Variants in DCP1B observed in about 807,000 individuals in gnomAD.
The protein encoded by DCP1B is mRNA-decapping enzyme 1B.
A neutral mutation model predicts 60.5 loss-of-function variants in DCP1B; 47 were observed. The ratio of observed to expected loss-of-function variants is 0.78; its 90% confidence interval spans 0.61 to 0.99. The LOEUF (loss-of-function observed/expected upper bound fraction) is 0.99, where lower values mean the gene tolerates loss of function less well. Ranked by LOEUF, DCP1B falls within the 50% of genes least tolerant of loss-of-function variation. DCP1B has a pLI of 0.00. For missense variants in DCP1B, 725 were observed against 756.8 expected, an observed-to-expected ratio of 0.96 and a Z score of 0.49; for synonymous variants, 267 against 280.3, an observed-to-expected ratio of 0.95 and a Z score of 0.47.
chr12:1,947,792 G>A (rs2154456298), intron 8 of DCP1B, among the ~76,000 whole-genome samples: 1 of 152,246 alleles, frequency 6.6e-6, no homozygotes, highest in African/African-American at 2.4e-5. Context: ...TTGTTATTAT[G>A]CTTCTGCTGA....
chr12:1,953,987 A>T (rs1401939750), intron 6 of DCP1B, among the ~76,000 whole-genome samples: 1 of 152,230 alleles, frequency 6.6e-6, no homozygotes, highest in Non-Finnish European at 1.5e-5. Context: ...GTTCAAGACC[A>T]GCCTGGGCAA....
intron 2 of DCP1B, 146 bp downstream of exon 2, chr12:1,997,789 C>T (rs1281369432): frequency 3.0e-5 from 20 of 674,890 alleles, no homozygotes; most frequent in East Asian, 1.1e-4. Context: ...TTCCCTTCTT[C>T]GTGTCAACTA....
intron 5 of DCP1B, among the ~76,000 whole-genome samples, chr12:1,957,188 A>C (rs1455485293): frequency 6.6e-6 from 1 of 152,240 alleles, no homozygotes; most frequent in Admixed American, 6.5e-5. Flanking sequence ...CCTGGGGGGA[A>C]AAACAGTTTT....
chr12:1,993,437 T>C (rs1042178025), intron 2 of DCP1B, 46 bp from the exon 3 acceptor site: 1 of 1,589,626 alleles, frequency 6.3e-7, no homozygotes, highest in Non-Finnish European at 8.6e-7. Context: ...ACAAATTGCT[T>C]AGTATGCTAT....
chr12:1,987,252 A>G (rs1344518513), intron 3 of DCP1B, among the ~76,000 whole-genome samples: 3 of 152,234 alleles, frequency 2.0e-5, no homozygotes, highest in Non-Finnish European at 2.9e-5. Context: ...AAATAATCCT[A>G]CATATGCTAG....
intron 2 of DCP1B, 151 bp downstream of exon 2, chr12:1,997,784 T>C (rs920129553): frequency 1.6e-5 from 11 of 668,038 alleles, no homozygotes; most frequent in Admixed American, 1.3e-4. Context: ...TGGTATTCCC[T>C]TCTTCGTGTC....
chr12:1,952,355 TAGGGA>T, intron 7 of DCP1B, 56 bp downstream of exon 7: 1 of 1,467,528 alleles, frequency 6.8e-7, no homozygotes, highest in African/African-American at 1.4e-5. Flanking sequence ...TTTTTTTTTT[TAGGGA>T]CAGGATCTTG....
At chr12:1,958,350 C>A (rs1051559366) in intron 5 of DCP1B, among the ~76,000 whole-genome samples, 40 of 144,006 alleles carry the variant, frequency 2.8e-4, no homozygotes, top group Non-Finnish European at 9.2e-5. Context: ...ATGGCTTCTT[C>A]TATAAACCTC....
At position 1,948,925 on chromosome 12, in the gene DCP1B, C is replaced by T. The variant is rs2030544691; in HGVS notation, c.1773+161G>A. Among the ~76,000 whole-genome samples, 1 of 152,190 alleles carries T rather than the reference C, an allele frequency of 6.6e-6. No homozygotes were observed. Among genetic ancestry groups the T allele is most frequent in the Admixed American group, 6.5e-5 (1 of 15,282 alleles). ...ACTTGGTATTATAAATAACACCTAG[C>T]TAACTGAGCACAGAAGCCGCTGGGG... On this transcript the variant is annotated intron_variant, in intron 8 of 8. Transcript: ENST00000280665. This position sits in a 1 kb window ranked among gnomAD's most constrained non-coding sequence, Gnocchi z 4.8.
intron 3 of DCP1B, among the ~76,000 whole-genome samples, chr12:1,988,464 G>A (rs1484508691): frequency 6.6e-6 from 1 of 152,178 alleles, no homozygotes; most frequent in African/African-American, 2.4e-5. Flanking sequence ...TCTGCAGGGT[G>A]GGTCAATGCG....
chr12:1,993,627 G>GGTGTGT (rs150056084), intron 2 of DCP1B, among the ~76,000 whole-genome samples: 9,656 of 146,576 alleles, frequency 0.066, 480 homozygotes, highest in African/African-American at 0.13. Context: ...CTTCATTTGT[G>GGTGTGT]GTGTGTGTGT....
intron 8 of DCP1B, among the ~76,000 whole-genome samples, chr12:1,946,510 C>G (rs1383845999): frequency 6.6e-6 from 1 of 152,184 alleles, no homozygotes; most frequent in Admixed American, 6.5e-5. Flanking sequence ...GCAGCAAGAG[C>G]TCATTACATG....
chr12:1,954,210 A>T (rs1442646443), intron 6 of DCP1B, among the ~76,000 whole-genome samples: 1 of 152,066 alleles, frequency 6.6e-6, no homozygotes, highest in Non-Finnish European at 1.5e-5. Context: ...GGAAAGAAAA[A>T]AAACCACAAG....
At chr12:1,954,693 GCT>G (rs1375304983) in intron 6 of DCP1B, among the ~76,000 whole-genome samples, 1 of 152,144 alleles carries the variant, frequency 6.6e-6, no homozygotes, top group Non-Finnish European at 1.5e-5. Context: ...TACAGTGCTA[GCT>G]CTGCATCTGG....
chr12:1,946,279 T>A lies in DCP1B; in HGVS notation c.1781A>T (p.Asp594Val), dbSNP rs148282251. Residue 594 changes from aspartate (D) to valine (V), a missense_variant, in exon 9 of 9, where the codon GAC becomes GTC. Asp to Val is a radical substitution (Grantham distance 152). Transcript: ENST00000280665. Reference sequence around the variant, plus strand: ...TTCATAGATTATATTTAAGAAGTTGTCATCATTCTGGAAAACAAATCGAAA... The same window carrying A: ...TTCATAGATTATATTTAAGAAGTTGACATCATTCTGGAAAACAAATCGAAA... The part of the protein sequence containing the change: ...EALLYLIQND[D>V]NFLNIIYEAY... 69 of 1,600,384 alleles carry A rather than the reference T, an allele frequency of 4.3e-5. No individual in the cohort carries two copies. Among genetic ancestry groups the A allele is most frequent in the Non-Finnish European group, 5.9e-5 (69 of 1,175,290 alleles).
rs552494440 is a variant in DCP1B, at chr12:1,966,735, TAGTTGTTATGGTGGTAAATACCAGTTTG to T, written c.387-1070_387-1043del. On this transcript the variant is annotated intron_variant, in intron 4 of 8. Coordinates refer to ENST00000280665, the MANE Select transcript of DCP1B (RefSeq NM_152640.5). ...ACAGTAACATGAATGTTCTAGGAAC[TAGTTGTTATGGTGGTAAATACCAGTTTG>T]AATACACTTAATCACCATCTGCACC... Among the ~76,000 whole-genome samples, 242 of 152,292 alleles carry T rather than the reference TAGTTGTTATGGTGGTAAATACCAGTTTG, an allele frequency of 1.6e-3. 1 individual carries two copies. The highest frequency in any genetic ancestry group is 0.01 in the South Asian group (50 of 4,828).
chr12:1,996,442 C>T (rs1238580150), intron 2 of DCP1B, among the ~76,000 whole-genome samples: 1 of 151,798 alleles, frequency 6.6e-6, no homozygotes, highest in Admixed American at 6.6e-5. Flanking sequence ...CCTGTTGAGA[C>T]TGCCTTCCCT....
intron 6 of DCP1B, 120 bp downstream of exon 6, chr12:1,955,312 C>T (rs1228957489): frequency 4.1e-6 from 5 of 1,207,782 alleles, no homozygotes; most frequent in Non-Finnish European, 5.6e-6. Context: ...ATCCCGCTTT[C>T]TTGGGTTTAC....
At chr12:1,988,389 T>C (rs1047490300) in intron 3 of DCP1B, among the ~76,000 whole-genome samples, 3 of 152,184 alleles carry the variant, frequency 2.0e-5, no homozygotes, top group Admixed American at 1.3e-4. Flanking sequence ...TTCAGCCACA[T>C]TTCACTGGCC....
Sources: allele counts gnomAD v4.1 joint callset (sites outside exome capture counted in the v4.1 genomes callset), GRCh38; gene constraint gnomAD v4.1.1; non-coding constraint Gnocchi (gnomAD v3.1); transcripts MANE v1.5; gene names NCBI Gene and HGNC (gene_info 2026-07-23, HGNC 2026-07-21).